Variants in ZNF783 observed in about 807,000 individuals in gnomAD.
ZNF783 encodes zinc finger protein 783.
ZNF783 carries 25 observed loss-of-function variants against 31.3 expected under a neutral mutation model. That is an observed-to-expected ratio of 0.80 (90% CI 0.58 to 1.11). ZNF783 has a LOEUF of 1.11. Among genes scored for constraint, ZNF783 ranks in the 50% most tolerant of loss-of-function variants. The pLI is 0.00. For missense variants in ZNF783, 797 were observed against 760.0 expected (o/e 1.05, Z -0.57); for synonymous variants, 369 against 319.1 (o/e 1.16, Z -1.66).
chr7:149,266,926 C>G lies in ZNF783; in HGVS notation c.528C>G (p.Tyr176Ter), dbSNP rs199566596. ...ELYKHVMRGN[Y>*]ETLVSLDYAI... ...ACAAGCACGTGATGAGGGGCAACTA[C>G]GAGACGCTGGTCTCCCTGGGTAAGG... Residue 176 changes from tyrosine to a stop codon, truncating the protein, a stop_gained, in exon 3 of 6, where the codon TAC becomes TAG. Coordinates refer to ENST00000434415, the MANE Select transcript of ZNF783 (RefSeq NM_001195220.2). LOFTEE classifies it high-confidence loss of function. 2 of 1,613,928 alleles carry G rather than the reference C, an allele frequency of 1.2e-6. No homozygotes were observed. Among genetic ancestry groups the G allele is most frequent in the East Asian group, 4.5e-5 (2 of 44,878 alleles).
chr7:149,278,897 G>A (rs1461886900), intron 5 of ZNF783, among the ~76,000 whole-genome samples: 1 of 152,150 alleles, frequency 6.6e-6, no homozygotes. Flanking sequence ...CTAGCGCGGC[G>A]CCAGCATGGT....
intron 5 of ZNF783, among the ~76,000 whole-genome samples, chr7:149,280,152 C>G (rs1261581392): frequency 7.5e-6 from 1 of 133,622 alleles, no homozygotes; most frequent in Non-Finnish European, 1.6e-5. Context: ...GGGGGCTGAC[C>G]CCCCCACCTC....
chr7:149,267,160 A>G lies in ZNF783; in HGVS notation c.611A>G (p.Asp204Gly). ...GAGAGGGGAGAGGAGCCTTGTCTTG[A>G]CCGGTGGGGCCAGGAGAAGGGGAAT... ...RIERGEEPCL[D>G]RWGQEKGNEV... The change falls in exon 4 of 6, where the codon GAC becomes GGC. Residue 204 changes from aspartate (D) to glycine (G), a missense_variant. By Grantham distance (94) the Asp-to-Gly change is moderately conservative (BLOSUM62 -1). Transcript: ENST00000434415. 2 of 1,599,382 alleles carry G rather than the reference A, an allele frequency of 1.3e-6. No homozygotes were observed. The highest frequency in any genetic ancestry group is 1.7e-6 in the Non-Finnish European group (2 of 1,179,752).
intron 1 of ZNF783, 113 bp downstream of exon 1, chr7:149,262,470 C>A: frequency 1.1e-6 from 1 of 905,584 alleles, no homozygotes; most frequent in South Asian, 5.5e-5. Flanking sequence ...TTGCGCGCAG[C>A]CTCCGCGCTC....
chr7:149,281,396 T>G, intron 5 of ZNF783, 109 bp from the exon 6 acceptor site: 1 of 938,298 alleles, frequency 1.1e-6, no homozygotes, highest in Non-Finnish European at 1.5e-6. Flanking sequence ...CTGTGAGCAC[T>G]GTGGGGAGAT....
At chr7:149,272,060 C>G (rs915401270) in intron 4 of ZNF783, among the ~76,000 whole-genome samples, 3 of 152,052 alleles carry the variant, frequency 2.0e-5, no homozygotes, top group Non-Finnish European at 4.4e-5. Flanking sequence ...CTCTGTTGCC[C>G]AGGCTGGAGT....
intron 4 of ZNF783, among the ~76,000 whole-genome samples, chr7:149,270,426 C>G (rs1797184450): frequency 6.6e-6 from 1 of 152,210 alleles, no homozygotes; most frequent in Non-Finnish European, 1.5e-5. Flanking sequence ...CCCTGAGATT[C>G]AGTCTGCACT....
intron 4 of ZNF783, among the ~76,000 whole-genome samples, chr7:149,273,423 G>A (rs7797046): frequency 0.082 from 12,506 of 152,086 alleles, 545 homozygotes; most frequent in African/African-American, 0.11. Flanking sequence ...GTTATTGCCC[G>A]TCTTTTGGAT....
In ZNF783 at chr7:149,266,533, GAGA is replaced by G. The variant is rs755069517; in HGVS notation, c.229_231del (p.Lys77del). The G allele has an allele frequency of 1.2e-6, 2 of 1,614,148 alleles. No individual in the cohort carries two copies. The highest frequency in any genetic ancestry group is 1.7e-6 in the Non-Finnish European group (2 of 1,180,042). On this transcript the variant is annotated inframe_deletion, in exon 2 of 6. Transcript: ENST00000434415. ...TCTGGAGGGGCGCACGGGGACAGCC[GAGA>G]AGAAGCTGGCCGACTGCGAGAAGAC...
At chr7:149,280,527 G>T (rs1797441622) in intron 5 of ZNF783, among the ~76,000 whole-genome samples, 2 of 152,186 alleles carry the variant, frequency 1.3e-5, no homozygotes, top group Admixed American at 1.3e-4. Context: ...ACCCAGATCA[G>T]TCTGGGGTCC....
chr7:149,275,375 C>T (rs1349858248), intron 4 of ZNF783, among the ~76,000 whole-genome samples: 6 of 150,808 alleles, frequency 4.0e-5, no homozygotes, highest in East Asian at 1.9e-4. Context: ...TGCAGTGGCG[C>T]GATCTTGGCT....
At chr7:149,276,706 C>T (rs1288402644) in intron 4 of ZNF783, 14 of 721,704 alleles carry the variant, frequency 1.9e-5, no homozygotes, top group African/African-American at 6.0e-5. Context: ...GGTCTGGCCC[C>T]GTTGCCCAGG....
Position 149,266,955 on chromosome 7 carries a change from C to T in ZNF783, c.547+10C>T, listed in dbSNP as rs577032793. 70 of 1,613,936 alleles carry T rather than the reference C, an allele frequency of 4.3e-5. No individual in the cohort carries two copies. The highest frequency in any genetic ancestry group is 2.2e-4 in the East Asian group (10 of 44,862). Reference sequence around the variant, plus strand: ...ACGCTGGTCTCCCTGGGTAAGGCCACGGAGGGAGGATCTGGGCCTCTGTCC... The same window carrying T: ...ACGCTGGTCTCCCTGGGTAAGGCCATGGAGGGAGGATCTGGGCCTCTGTCC... On this transcript the variant is annotated intron_variant, in intron 3 of 5. Coordinates refer to ENST00000434415, the MANE Select transcript of ZNF783 (RefSeq NM_001195220.2).
At chr7:149,279,378 T>C (rs985277789) in intron 5 of ZNF783, among the ~76,000 whole-genome samples, 32 of 152,232 alleles carry the variant, frequency 2.1e-4, no homozygotes, top group Admixed American at 2.1e-3. Context: ...TGACAGATGC[T>C]GAGGGACAAG....
chr7:149,270,135 A>G (rs934499687), intron 4 of ZNF783, among the ~76,000 whole-genome samples: 2 of 152,146 alleles, frequency 1.3e-5, no homozygotes, highest in African/African-American at 4.8e-5. Context: ...AAACATACGT[A>G]TGCATGTGTC....
intron 5 of ZNF783, 142 bp downstream of exon 5, chr7:149,278,669 C>A: frequency 7.2e-7 from 1 of 1,397,318 alleles, no homozygotes; most frequent in East Asian, 2.5e-5. Context: ...GCCGGACAGG[C>A]TTTCTGGGAA....
In ZNF783 at chr7:149,281,762, T is replaced by A; in HGVS notation, c.1060T>A (p.Cys354Ser). 6.7e-7 allele frequency: 1 copy of A among 1,497,568 alleles called. No homozygotes were observed. Among genetic ancestry groups the A allele is most frequent in the Non-Finnish European group, 8.8e-7 (1 of 1,132,160 alleles). 92.8% of individuals were successfully genotyped at this position (1,497,568 alleles called of 1,614,324 possible). A position where few individuals can be genotyped will look rare whatever the true frequency, so the allele number is the denominator to read the frequency against. ...RRQRAFPCPDCGQSFRLKINL... is the reference protein window; with the variant it reads ...RRQRAFPCPDSGQSFRLKINL... ...GCAGCGGGCATTCCCCTGCCCCGAC[T>A]GCGGGCAGAGCTTCCGCCTGAAGAT... Residue 354 changes from cysteine (C) to serine (S), a missense_variant, in exon 6 of 6, where the codon TGC (cysteine) becomes AGC (serine). Cys to Ser is a moderately radical substitution (Grantham distance 112). Coordinates refer to ENST00000434415, the MANE Select transcript of ZNF783 (RefSeq NM_001195220.2).
At chr7:149,264,511 G>T (rs1031542238) in intron 1 of ZNF783, among the ~76,000 whole-genome samples, 2 of 152,148 alleles carry the variant, frequency 1.3e-5, no homozygotes, top group African/African-American at 4.8e-5. Flanking sequence ...CTTATGCCAG[G>T]TACACTGGGA....
chr7:149,278,167 C>T (rs949941762), intron 4 of ZNF783: 11 of 1,307,498 alleles, frequency 8.4e-6, no homozygotes, highest in South Asian at 3.4e-5. Flanking sequence ...CGATCATTAC[C>T]GTGATTTCCT....
Sources: allele counts gnomAD v4.1 joint callset (sites outside exome capture counted in the v4.1 genomes callset), GRCh38; gene constraint gnomAD v4.1.1; transcripts MANE v1.5; gene names NCBI Gene and HGNC (gene_info 2026-07-23, HGNC 2026-07-21).